DACH1: variants seen among roughly 807,000 people sequenced by gnomAD.
The protein encoded by DACH1 is dachshund family transcription factor 1, also known as dachshund homolog 1.
DACH1 carries 12 observed loss-of-function variants against 54.2 expected under a neutral mutation model. That is an observed-to-expected ratio of 0.22 (90% CI 0.14 to 0.36). The LOEUF is 0.36. Among genes scored for constraint, DACH1 ranks in the 10% least tolerant of loss-of-function variants. The probability of loss-of-function intolerance (pLI) is 1.00; values close to 1 mark genes in which losing one functional copy is unlikely to be tolerated. For synonymous variants in DACH1, 386 were observed against 366.2 expected, an observed-to-expected ratio of 1.05 and a Z score of -0.62; for missense variants, 805 against 929.8, an observed-to-expected ratio of 0.87 and a Z score of 1.75.
At chr13:71,654,036 A>G (rs925877314) in intron 2 of DACH1, among the ~76,000 whole-genome samples, 10 of 152,198 alleles carry the variant, frequency 6.6e-5, no homozygotes, top group African/African-American at 2.4e-4. Flanking sequence ...TATAAACACA[A>G]GCATACACTA....
intron 3 of DACH1, among the ~76,000 whole-genome samples, chr13:71,579,505 A>G (rs1411031584): frequency 6.6e-6 from 1 of 152,142 alleles, no homozygotes; most frequent in Non-Finnish European, 1.5e-5. Flanking sequence ...TACTTAATGA[A>G]CAGGCAGACA....
intron 2 of DACH1, among the ~76,000 whole-genome samples, chr13:71,680,178 G>T (rs80005997): frequency 0.069 from 10,500 of 152,162 alleles, 947 homozygotes; most frequent in African/African-American, 0.21. Flanking sequence ...ATTAAATAAA[G>T]TAAAATGACG....
At position 71,630,590 on chromosome 13, in the gene DACH1, T is replaced by C. The variant is rs1380905333; in HGVS notation, c.1092A>G (p.Ala364=). The C allele has an allele frequency of 5.6e-6, 9 of 1,599,720 alleles. No individual in the cohort carries two copies. Among genetic ancestry groups the C allele is most frequent in the Non-Finnish European group, 6.8e-6 (8 of 1,176,344 alleles). ...NYHASNNQHG[A]DSENGDMNSS... ...AATTCATGTCCCCGTTTTCAGAGTC[T>C]GCTCCATGTTGGTTATTACTGGCAT... The change falls in exon 3 of 11, where the codon GCA becomes GCG. Residue 364 remains alanine, a synonymous_variant. Transcript: ENST00000613252.
intron 3 of DACH1, among the ~76,000 whole-genome samples, chr13:71,585,114 CTG>C (rs1320409593): frequency 1.3e-5 from 2 of 151,980 alleles, no homozygotes; most frequent in Non-Finnish European, 2.9e-5. Context: ...GTGCCAGGCA[CTG>C]TTGTAAGTAC....
chr13:71,516,930 T>TTTTA (rs1555290183), intron 6 of DACH1, among the ~76,000 whole-genome samples: 1 of 147,912 alleles, frequency 6.8e-6, no homozygotes, highest in Non-Finnish European at 1.5e-5. Context: ...ATTTTTATGT[T>TTTTA]TATATATATA....
At position 71,479,369 on chromosome 13, in the gene DACH1, G is replaced by A. The variant is rs144333664; in HGVS notation, c.1723-53C>T. On this transcript the variant is annotated intron_variant, in intron 7 of 10. Transcript: ENST00000613252. Reference sequence around the variant, plus strand: ...AATATTTTAATACAAAGCAAATTTCGTTCATTACTTAAAAGCATTTTCAAA... The same window carrying A: ...AATATTTTAATACAAAGCAAATTTCATTCATTACTTAAAAGCATTTTCAAA... The A allele has an allele frequency of 5.4e-4, 844 of 1,555,060 alleles. 5 individuals are homozygous for A. In the African/African-American group the frequency reaches 9.9e-3, roughly 18 times the overall value.
intron 1 of DACH1, among the ~76,000 whole-genome samples, chr13:71,785,529 G>A (rs1467216945): frequency 2.0e-5 from 3 of 152,142 alleles, no homozygotes; most frequent in African/African-American, 7.2e-5. Flanking sequence ...AATCATATCT[G>A]TCTTATAATG....
intron 2 of DACH1, among the ~76,000 whole-genome samples, chr13:71,634,749 C>T (rs1877348408): frequency 6.6e-6 from 1 of 152,150 alleles, no homozygotes; most frequent in Admixed American, 6.5e-5. Flanking sequence ...GTGAGTCTGC[C>T]ATCCCTAGCT....
chr13:71,763,913 T>C (rs1447060073), intron 1 of DACH1, among the ~76,000 whole-genome samples: 5 of 152,216 alleles, frequency 3.3e-5, no homozygotes, highest in African/African-American at 1.2e-4. Flanking sequence ...TGCCCACCTT[T>C]ATGCCATGTT....
chr13:71,455,832 G>C (rs1396572488), intron 10 of DACH1, among the ~76,000 whole-genome samples: 1 of 151,994 alleles, frequency 6.6e-6, no homozygotes, highest in Non-Finnish European at 1.5e-5. Flanking sequence ...AGTTAAATCT[G>C]GTATCTTACC....
intron 8 of DACH1, among the ~76,000 whole-genome samples, chr13:71,477,122 T>A (rs865919416): frequency 0.015 from 1,806 of 117,800 alleles, 67 homozygotes; most frequent in African/African-American, 0.055. Flanking sequence ...TTTTTTTTTT[T>A]TTTTTTTTTT....
intron 6 of DACH1, among the ~76,000 whole-genome samples, chr13:71,521,235 G>A (rs1361757304): frequency 6.6e-6 from 1 of 151,944 alleles, no homozygotes; most frequent in African/African-American, 2.4e-5. Flanking sequence ...ATAATATTTG[G>A]CATATAGTGT....
At chr13:71,710,265 A>T (rs1041899686) in intron 1 of DACH1, among the ~76,000 whole-genome samples, 62 of 152,304 alleles carry the variant, frequency 4.1e-4, no homozygotes, top group African/African-American at 1.4e-3. Flanking sequence ...ATTGATTTTT[A>T]TAAAGAAAAT....
intron 6 of DACH1, among the ~76,000 whole-genome samples, chr13:71,516,610 A>ATT (rs1369335757): frequency 6.6e-6 from 1 of 151,896 alleles, no homozygotes; most frequent in Non-Finnish European, 1.5e-5. Flanking sequence ...ATTACATGAA[A>ATT]TTCATCCTCT....
intron 2 of DACH1, among the ~76,000 whole-genome samples, chr13:71,633,220 A>G (rs1387700706): frequency 1.3e-5 from 2 of 152,174 alleles, no homozygotes; most frequent in African/African-American, 4.8e-5. Context: ...CCAACCATCC[A>G]ATTATCTTGA....
chr13:71,580,810 G>A (rs906049078), intron 3 of DACH1, among the ~76,000 whole-genome samples: 1 of 152,106 alleles, frequency 6.6e-6, no homozygotes, highest in African/African-American at 2.4e-5. Flanking sequence ...TGCACCAGCA[G>A]CGCCCAACTC....
chr13:71,748,899 T>TTTCTTTCTTTCTTTCTTTCTTTCTTTCC (rs1352890579), intron 1 of DACH1, among the ~76,000 whole-genome samples: 1 of 15,394 alleles, frequency 6.5e-5, no homozygotes, highest in Admixed American at 7.8e-4. Flanking sequence ...TCTTTCTTTC[T>TTTCTTTCTTTCTTTCTTTCTTTCTTTCC]CTTTCTTTCT....
chr13:71,517,465 TTG>T (rs1881248579), intron 6 of DACH1, among the ~76,000 whole-genome samples: 1 of 151,938 alleles, frequency 6.6e-6, no homozygotes, highest in South Asian at 2.1e-4. Flanking sequence ...GTCTTCGTAG[TTG>T]TGTGTGGACT....
chr13:71,591,891 C>G (rs1378396126), intron 3 of DACH1, among the ~76,000 whole-genome samples: 1 of 152,064 alleles, frequency 6.6e-6, no homozygotes, highest in East Asian at 1.9e-4. Flanking sequence ...TTACACAAAG[C>G]CATTGTATCA....
Sources: allele counts gnomAD v4.1 joint callset (sites outside exome capture counted in the v4.1 genomes callset), GRCh38; gene constraint gnomAD v4.1.1; transcripts MANE v1.5; gene names NCBI Gene and HGNC (gene_info 2026-07-23, HGNC 2026-07-21).